Variants in OGDH observed in about 807,000 individuals in gnomAD.
OGDH encodes the protein oxoglutarate dehydrogenase, also known as 2-oxoglutarate dehydrogenase complex component E1.
A neutral mutation model predicts 116.6 loss-of-function variants in OGDH; 38 were observed. That is an observed-to-expected ratio of 0.33 (90% CI 0.25 to 0.43). The LOEUF is 0.43. Ranked by LOEUF, OGDH falls within the 20% of genes least tolerant of loss-of-function variation. The probability of loss-of-function intolerance (pLI) is 1.00; values close to 1 mark genes in which losing one functional copy is unlikely to be tolerated. For synonymous variants in OGDH, 488 were observed against 533.3 expected (o/e 0.92, Z 1.17); for missense variants, 825 against 1,357.2 (o/e 0.61, Z 6.16).
chr7:44,674,024 C>G, intron 6 of OGDH, 83 bp downstream of exon 6: 1 of 1,543,706 alleles, frequency 6.5e-7, no homozygotes, highest in Non-Finnish European at 8.9e-7. Flanking sequence ...CTGTGTGCAG[C>G]CTGTTGGCCG....
At chr7:44,688,406 AT>A (rs1278437127) in intron 10 of OGDH, among the ~76,000 whole-genome samples, 2 of 148,142 alleles carry the variant, frequency 1.4e-5, no homozygotes, top group African/African-American at 2.5e-5. Flanking sequence ...TGCTGTGAAC[AT>A]TTATGTACAA....
chr7:44,667,162 GCTGGTCTCAAATGC>G (rs1489286680), intron 5 of OGDH, among the ~76,000 whole-genome samples: 1 of 151,932 alleles, frequency 6.6e-6, no homozygotes, highest in Non-Finnish European at 1.5e-5. Flanking sequence ...TGTTCCTCAG[GCTGGTCTCAAATGC>G]CTGGGCTCAA....
At chr7:44,653,741 G>A (rs1443508970) in intron 4 of OGDH, among the ~76,000 whole-genome samples, 3 of 152,094 alleles carry the variant, frequency 2.0e-5, no homozygotes, top group Admixed American at 6.5e-5. Context: ...GGCCAGGCTG[G>A]TCTCGAACTC....
intron 1 of OGDH, among the ~76,000 whole-genome samples, chr7:44,610,174 G>T (rs1784507074): frequency 1.3e-5 from 2 of 152,042 alleles, no homozygotes; most frequent in Admixed American, 6.6e-5. Flanking sequence ...TAATTAGATT[G>T]TTCGGTTTTT....
chr7:44,681,686 A>G (rs1291189822), intron 9 of OGDH, 34 bp from the exon 10 acceptor site: 2 of 1,599,384 alleles, frequency 1.3e-6, no homozygotes, highest in Non-Finnish European at 1.7e-6. Flanking sequence ...CAATCAGAAC[A>G]TTCTGGATTT....
chr7:44,618,058 T>C (rs1784872151), intron 1 of OGDH, among the ~76,000 whole-genome samples: 1 of 152,196 alleles, frequency 6.6e-6, no homozygotes, highest in African/African-American at 2.4e-5. Flanking sequence ...GGGCAGGGCG[T>C]TTAACACCTA....
chr7:44,700,973 G>A (rs750734094), intron 19 of OGDH, among the ~76,000 whole-genome samples: 3 of 152,192 alleles, frequency 2.0e-5, no homozygotes, highest in South Asian at 2.1e-4. Flanking sequence ...GCAGTGAGCC[G>A]AGATCGCACC....
intron 10 of OGDH, among the ~76,000 whole-genome samples, chr7:44,690,262 T>C (rs945657512): frequency 6.6e-6 from 1 of 152,138 alleles, no homozygotes; most frequent in African/African-American, 2.4e-5. Context: ...TTCCTCCTCA[T>C]TGGAAGTATT....
At chr7:44,669,105 C>A (rs954233705) in intron 5 of OGDH, among the ~76,000 whole-genome samples, 5 of 149,308 alleles carry the variant, frequency 3.3e-5, no homozygotes, top group African/African-American at 1.3e-4. Context: ...AGCACTAGTA[C>A]CTTTTACCTC....
At chr7:44,632,225 A>AC (rs1785472710) in intron 2 of OGDH, among the ~76,000 whole-genome samples, 1 of 152,228 alleles carries the variant, frequency 6.6e-6, no homozygotes, top group Admixed American at 6.5e-5. Context: ...TGAGGCCAGG[A>AC]CAGCAGGCAT....
At chr7:44,614,311 T>G (rs1562608370) in intron 1 of OGDH, among the ~76,000 whole-genome samples, 1 of 149,312 alleles carries the variant, frequency 6.7e-6, no homozygotes, top group Non-Finnish European at 1.5e-5. Context: ...TTGTTTTTTT[T>G]GTTTGTTTGT....
At chr7:44,696,402 A>T (rs750227621) in intron 13 of OGDH, 27 bp from the exon 14 acceptor site, 5 of 1,604,566 alleles carry the variant, frequency 3.1e-6, no homozygotes, top group Non-Finnish European at 4.3e-6. Flanking sequence ...AGCAGATGTC[A>T]TGCCTCAGTT....
intron 10 of OGDH, among the ~76,000 whole-genome samples, chr7:44,692,641 T>C (rs1788412264): frequency 6.6e-6 from 1 of 152,242 alleles, no homozygotes; most frequent in Non-Finnish European, 1.5e-5. Context: ...GTGTTTGAAA[T>C]ATATCATAAG....
chr7:44,626,430 G>A (rs1308188038), intron 2 of OGDH, among the ~76,000 whole-genome samples: 5 of 151,980 alleles, frequency 3.3e-5, no homozygotes, highest in Non-Finnish European at 4.4e-5. Context: ...ACTATTATGT[G>A]CCCAGGCCTA....
chr7:44,706,749 T>C (rs1053785694), intron 20 of OGDH, among the ~76,000 whole-genome samples: 1 of 150,666 alleles, frequency 6.6e-6, no homozygotes, highest in Non-Finnish European at 1.5e-5. Flanking sequence ...GCCTCCCGAG[T>C]AGCTGGGACC....
intron 10 of OGDH, among the ~76,000 whole-genome samples, chr7:44,686,046 C>CTTTTTTTTTTTTTT (rs947000633): frequency 1.5e-4 from 21 of 144,810 alleles, no homozygotes; most frequent in African/African-American, 3.5e-4. Flanking sequence ...TTCTTTCTTT[C>CTTTTTTTTTTTTTT]TTTTTTTTTT....
At chr7:44,642,579 A>G (rs1304746965) in intron 2 of OGDH, among the ~76,000 whole-genome samples, 1 of 152,216 alleles carries the variant, frequency 6.6e-6, no homozygotes, top group Non-Finnish European at 1.5e-5. Context: ...ATACACCAGA[A>G]ATTAACCAGA....
chr7:44,669,145 CTTTTTTTTTTTTTTT>C (rs869250474), intron 5 of OGDH, among the ~76,000 whole-genome samples: 2 of 77,814 alleles, frequency 2.6e-5, no homozygotes, highest in Non-Finnish European at 4.3e-5. Flanking sequence ...AGCCCGGCAG[CTTTTTTTTTTTTTTT>C]TTTTTTTTTT....
At chr7:44,677,498 G>A (rs1041591287) in intron 9 of OGDH, among the ~76,000 whole-genome samples, 1 of 152,160 alleles carries the variant, frequency 6.6e-6, no homozygotes, top group Non-Finnish European at 1.5e-5. Context: ...AAAGATGTAG[G>A]GGGAATTGGG....
Sources: gnomAD v4.1 joint callset for allele counts (sites outside exome capture counted in the v4.1 genomes callset) on GRCh38, gnomAD v4.1.1 for gene constraint, MANE v1.5 for transcripts, NCBI Gene and HGNC (gene_info 2026-07-23, HGNC 2026-07-21) for gene names.